Variants in CNOT6 observed in about 807,000 individuals in gnomAD.
CNOT6 encodes the protein carbon catabolite repression 4 protein.
CNOT6 carries 12 observed loss-of-function variants against 61.2 expected under a neutral mutation model. That is an observed-to-expected ratio of 0.20 (90% CI 0.13 to 0.32). The LOEUF (loss-of-function observed/expected upper bound fraction) is 0.32. Among genes scored for constraint, CNOT6 ranks in the 10% least tolerant of loss-of-function variants. CNOT6 has a pLI of 1.00. For missense variants in CNOT6, 405 were observed against 663.9 expected (o/e 0.61, Z 4.28); for synonymous variants, 225 against 240.6 (o/e 0.94, Z 0.60).
Position 180,574,578 on chromosome 5 carries a change from T to G in CNOT6, c.*378T>G, listed in dbSNP as rs1056073249. 8.1e-6 allele frequency: 2 copies of G among 245,524 alleles called. No homozygotes were observed. The highest frequency in any genetic ancestry group is 1.0e-4 in the Admixed American group (2 of 19,666). The allele number at this position is 245,524 out of a possible 1,614,324, so 15.2% of individuals were successfully genotyped here. Reference sequence around the variant, plus strand: ...TGAGGCCAGTAGCAACATCCAGAGATCATTCTTCCATACTTTACTCCCTCC... The same window carrying G: ...TGAGGCCAGTAGCAACATCCAGAGAGCATTCTTCCATACTTTACTCCCTCC... On this transcript the variant is annotated 3_prime_UTR_variant, in exon 12 of 12. Transcript: ENST00000261951.
chr5:180,562,608 C>T (rs1760243989), intron 4 of CNOT6, among the ~76,000 whole-genome samples: 1 of 152,050 alleles, frequency 6.6e-6, no homozygotes, highest in Non-Finnish European at 1.5e-5. Flanking sequence ...GGCATGGTGG[C>T]AGCTGCCTGT....
At chr5:180,565,091 C>T (rs1252300351) in intron 6 of CNOT6, among the ~76,000 whole-genome samples, 1 of 152,262 alleles carries the variant, frequency 6.6e-6, no homozygotes, top group Non-Finnish European at 1.5e-5. Flanking sequence ...TAGTACACGG[C>T]ACAGGCCCCC....
At chr5:180,521,895 A>T (rs956099332) in intron 1 of CNOT6, among the ~76,000 whole-genome samples, 1 of 152,180 alleles carries the variant, frequency 6.6e-6, no homozygotes, top group Non-Finnish European at 1.5e-5. Context: ...GCCATGTAGT[A>T]TTCCATGATG....
chr5:180,523,884 T>A (rs372223606), intron 1 of CNOT6, among the ~76,000 whole-genome samples: 5 of 152,218 alleles, frequency 3.3e-5, no homozygotes, highest in African/African-American at 1.2e-4. Context: ...TAATTCTGCT[T>A]TGCACCACTA....
At chr5:180,552,188 T>C (rs1759639494) in intron 3 of CNOT6, among the ~76,000 whole-genome samples, 1 of 152,070 alleles carries the variant, frequency 6.6e-6, no homozygotes, top group Non-Finnish European at 1.5e-5. Context: ...TCCTTTTTTC[T>C]GTATATTGTA....
intron 2 of CNOT6, among the ~76,000 whole-genome samples, chr5:180,546,109 T>A (rs1452231826): frequency 6.6e-6 from 1 of 152,202 alleles, no homozygotes; most frequent in African/African-American, 2.4e-5. Context: ...TTGGCCAGGA[T>A]GGTCTCGATG....
Position 180,520,079 on chromosome 5 carries a change from C to T in CNOT6, c.-2-9196C>T, listed in dbSNP as rs568165492. Among the ~76,000 whole-genome samples, 195 of 152,116 alleles carry T rather than the reference C, an allele frequency of 1.3e-3. 1 individual carries two copies. Among genetic ancestry groups the T allele is most frequent in the Non-Finnish European group, 1.5e-3 (104 of 68,014 alleles). ...GAACTCCTGACCTCAAGTGATCTGC[C>T]TGCCTCTGCCTGCCAACGTGCTGGG... On this transcript the variant is annotated intron_variant, in intron 1 of 11. Transcript: ENST00000261951.
At chr5:180,506,939 A>T (rs1035912288) in intron 1 of CNOT6, among the ~76,000 whole-genome samples, 7 of 152,308 alleles carry the variant, frequency 4.6e-5, no homozygotes, top group South Asian at 2.1e-4. Context: ...AATGTGAGAT[A>T]AAAAAATACT....
In CNOT6 at chr5:180,574,172, A is replaced by G. The variant is rs1433410480; in HGVS notation, c.1646A>G (p.Asn549Ser). Residue 549 changes from asparagine to serine, a missense_variant, in exon 12 of 12, where the codon AAC becomes AGC. By Grantham distance (46) the Asn-to-Ser change is conservative (BLOSUM62 1). Transcript: ENST00000261951. ...ELLLPFLPQVNGIHLPGRR is the reference protein window; with the variant it reads ...ELLLPFLPQVSGIHLPGRR ...TTACTGCCTTTCCTGCCCCAAGTCA[A>G]CGGCATCCACCTTCCTGGCAGGAGG... 6.2e-7 allele frequency: 1 copy of G among 1,613,604 alleles called. No homozygotes were observed. Among genetic ancestry groups the G allele is most frequent in the East Asian group, 2.2e-5 (1 of 44,484 alleles).
intron 11 of CNOT6, among the ~76,000 whole-genome samples, chr5:180,572,988 T>C (rs1485178174): frequency 6.6e-6 from 1 of 152,224 alleles, no homozygotes; most frequent in East Asian, 1.9e-4. Context: ...AGAGTTTAGA[T>C]AGTATCTCAG....
chr5:180,501,244 A>G (rs1282058169), intron 1 of CNOT6, among the ~76,000 whole-genome samples: 2 of 152,212 alleles, frequency 1.3e-5, no homozygotes, highest in Non-Finnish European at 2.9e-5. Context: ...GCTCAAGTAC[A>G]TCAGCATAGG....
chr5:180,561,971 T>G (rs1760212505), intron 4 of CNOT6, among the ~76,000 whole-genome samples: 1 of 152,218 alleles, frequency 6.6e-6, no homozygotes. Context: ...GTTTTTTTCT[T>G]TAGTGTTAAG....
intron 1 of CNOT6, among the ~76,000 whole-genome samples, chr5:180,498,858 C>G (rs950274730): frequency 1.3e-5 from 2 of 152,172 alleles, no homozygotes; most frequent in African/African-American, 4.8e-5. Flanking sequence ...GGCGCGATCT[C>G]GGCCCACTGC....
At chr5:180,498,954 A>C (rs1171781282) in intron 1 of CNOT6, among the ~76,000 whole-genome samples, 1 of 152,008 alleles carries the variant, frequency 6.6e-6, no homozygotes, top group Non-Finnish European at 1.5e-5. Context: ...CACGCCGACT[A>C]ATTTTTTTGT....
At position 180,578,179 on chromosome 5, in the gene CNOT6, ACACT is replaced by A. The variant is rs1376671502; in HGVS notation, c.*3982_*3985del. The A allele has an allele frequency of 6.6e-6, 1 of 152,628 alleles. No individual in the cohort carries two copies. Among genetic ancestry groups the A allele is most frequent in the Non-Finnish European group, 1.5e-5 (1 of 68,044 alleles). The allele number at this position is 152,628 out of a possible 1,614,324, so 9.5% of individuals were successfully genotyped here. A position where few individuals can be genotyped will look rare whatever the true frequency, so the allele number is the denominator to read the frequency against. ...TCTTTATTGGCTGTTATTCTGTATA[ACACT>A]CATATCTTTGCCAAAGTTCAATTTT... On this transcript the variant is annotated 3_prime_UTR_variant, in exon 12 of 12. Coordinates refer to ENST00000261951, the MANE Select transcript of CNOT6 (RefSeq NM_001370472.1).
At chr5:180,556,615 T>A (rs1407322422) in intron 4 of CNOT6, among the ~76,000 whole-genome samples, 1 of 152,180 alleles carries the variant, frequency 6.6e-6, no homozygotes, top group Non-Finnish European at 1.5e-5. Flanking sequence ...CCACACCTAC[T>A]TTGTTCCTGC....
At chr5:180,549,717 A>G (rs1007141017) in intron 2 of CNOT6, among the ~76,000 whole-genome samples, 2 of 152,196 alleles carry the variant, frequency 1.3e-5, no homozygotes, top group East Asian at 1.9e-4. Context: ...GTATTGGTAC[A>G]TTAACTTTTT....
chr5:180,511,731 A>T (rs1348063176), intron 1 of CNOT6, among the ~76,000 whole-genome samples: 3 of 151,884 alleles, frequency 2.0e-5, no homozygotes, highest in African/African-American at 4.8e-5. Context: ...GTGCTACTAC[A>T]CTCCAGCCTG....
At chr5:180,537,177 G>A (rs967169654) in intron 2 of CNOT6, among the ~76,000 whole-genome samples, 91 of 152,202 alleles carry the variant, frequency 6.0e-4, no homozygotes, top group African/African-American at 1.9e-3. Flanking sequence ...AACGAGGCAT[G>A]ATTGCTGAAT....
Sources: gnomAD v4.1 joint callset for allele counts (sites outside exome capture counted in the v4.1 genomes callset) on GRCh38, gnomAD v4.1.1 for gene constraint, MANE v1.5 for transcripts, NCBI Gene and HGNC (gene_info 2026-07-23, HGNC 2026-07-21) for gene names.